Variants in PDE3A observed in about 807,000 individuals in gnomAD.
PDE3A encodes cGMP-inhibited 3',5'-cyclic phosphodiesterase 3A.
Under a neutral mutation model 98.3 loss-of-function variants are expected in PDE3A, and 43 were observed. That is an observed-to-expected ratio of 0.44 (90% CI 0.34 to 0.56). The LOEUF is 0.56. Ranked by LOEUF, PDE3A falls within the 20% of genes least tolerant of loss-of-function variation. PDE3A has a pLI of 0.01. For synonymous variants in PDE3A, 663 were observed against 567.9 expected (o/e 1.17, Z -2.38); for missense variants, 1,427 against 1,440.7 (o/e 0.99, Z 0.15).
At chr12:20,528,363 A>C (rs1946564976) in intron 1 of PDE3A, among the ~76,000 whole-genome samples, 1 of 152,158 alleles carries the variant, frequency 6.6e-6, no homozygotes, top group African/African-American at 2.4e-5. Flanking sequence ...ATATATTGTG[A>C]AATATTCTGA....
chr12:20,496,307 C>G (rs1945918171), intron 1 of PDE3A, among the ~76,000 whole-genome samples: 1 of 152,174 alleles, frequency 6.6e-6, no homozygotes, highest in Non-Finnish European at 1.5e-5. Context: ...CCAGAGCCAT[C>G]CTTTGCCATT....
chr12:20,391,413 C>CATAT (rs564383160), intron 1 of PDE3A, among the ~76,000 whole-genome samples: 1 of 143,212 alleles, frequency 7.0e-6, no homozygotes, highest in African/African-American at 2.5e-5. Flanking sequence ...ATGCATTATA[C>CATAT]ATATATATAT....
At chr12:20,638,477 C>T (rs1055946324) in intron 9 of PDE3A, among the ~76,000 whole-genome samples, 2 of 152,078 alleles carry the variant, frequency 1.3e-5, no homozygotes, top group African/African-American at 4.8e-5. Flanking sequence ...GTTGAGAGTC[C>T]TGTTCCTCTT....
intron 1 of PDE3A, among the ~76,000 whole-genome samples, chr12:20,437,696 C>G (rs1175416044): frequency 6.6e-6 from 1 of 152,158 alleles, no homozygotes; most frequent in Non-Finnish European, 1.5e-5. Flanking sequence ...CATGAGAAAC[C>G]TGTCCCCCAT....
chr12:20,440,489 T>C (rs1944852146), intron 1 of PDE3A, among the ~76,000 whole-genome samples: 1 of 152,170 alleles, frequency 6.6e-6, no homozygotes, highest in Admixed American at 6.5e-5. Context: ...AGGCTGTATC[T>C]TTTTCACGTT....
chr12:20,491,025 CA>C (rs1463756607), intron 1 of PDE3A, among the ~76,000 whole-genome samples: 1 of 152,124 alleles, frequency 6.6e-6, no homozygotes, highest in African/African-American at 2.4e-5. Flanking sequence ...TACTTGAGCC[CA>C]GGAGTTTGAG....
intron 2 of PDE3A, among the ~76,000 whole-genome samples, chr12:20,601,354 G>GCAGT (rs1293021253): frequency 6.6e-6 from 1 of 152,088 alleles, no homozygotes; most frequent in Non-Finnish European, 1.5e-5. Flanking sequence ...TGGTCCTGAA[G>GCAGT]CAGTCAGGGA....
At chr12:20,389,914 G>A (rs1943882527) in intron 1 of PDE3A, among the ~76,000 whole-genome samples, 1 of 151,352 alleles carries the variant, frequency 6.6e-6, no homozygotes, top group Non-Finnish European at 1.5e-5. Context: ...ATCAATTTCA[G>A]TACAATATAA....
chr12:20,441,489 T>C (rs187275221), intron 1 of PDE3A, among the ~76,000 whole-genome samples: 86 of 152,328 alleles, frequency 5.6e-4, no homozygotes, highest in African/African-American at 1.9e-3. Context: ...AAGAGCCAGG[T>C]ACTTTGCTAA....
chr12:20,633,558 T>A, intron 6 of PDE3A, 135 bp from the exon 7 acceptor site: 1 of 512,802 alleles, frequency 2.0e-6, no homozygotes, highest in South Asian at 3.4e-5. Flanking sequence ...AAAATGCATA[T>A]TTTCACAAAA....
rs1284615413 is a variant in PDE3A, at chr12:20,648,832, G to A, written c.2710G>A (p.Ala904Thr). 1.2e-6 allele frequency: 2 copies of A among 1,613,770 alleles called. No individual in the cohort carries two copies. Among genetic ancestry groups the A allele is most frequent in the Non-Finnish European group, 1.7e-6 (2 of 1,179,868 alleles). Residue 904 changes from alanine to threonine, a missense_variant, in exon 13 of 16, where the codon GCA (alanine) becomes ACA (threonine). This residue lies in a region of PDE3A where 273 missense variants were observed against 420.3 expected (regional missense o/e 0.65). Coordinates refer to ENST00000359062, the MANE Select transcript of PDE3A (RefSeq NM_000921.5). ...FKHFRFLVIE[A>T]ILATDLKKHF... ...GCATTTCCGTTTCCTTGTCATTGAAGCAATTTTGGCCACTGACCTGAAGAA... is the reference window on the plus strand; with the variant it reads ...GCATTTCCGTTTCCTTGTCATTGAAACAATTTTGGCCACTGACCTGAAGAA...
Position 20,590,860 on chromosome 12 carries a change from G to T in PDE3A, c.1012-22583G>T, listed in dbSNP as rs111280459. On this transcript the variant is annotated intron_variant, in intron 2 of 15. Transcript: ENST00000359062. Reference sequence around the variant, plus strand: ...AGCATGTAGGTTATGGTGGGTCTGTGATGTGTGTTTCATGTTTCTCCAAGA... The same window carrying T: ...AGCATGTAGGTTATGGTGGGTCTGTTATGTGTGTTTCATGTTTCTCCAAGA... Among the ~76,000 whole-genome samples the T allele has an allele frequency of 2.0e-5, 3 of 152,292 alleles. 1 individual carries two copies. Among genetic ancestry groups the T allele is most frequent in the African/African-American group, 7.2e-5 (3 of 41,558 alleles).
intron 1 of PDE3A, among the ~76,000 whole-genome samples, chr12:20,541,503 T>C (rs1941910040): frequency 6.6e-6 from 1 of 152,104 alleles, no homozygotes; most frequent in Admixed American, 6.6e-5. Flanking sequence ...TTCTTGTACT[T>C]GTGGTAGGAA....
intron 2 of PDE3A, among the ~76,000 whole-genome samples, chr12:20,607,304 G>A (rs1350472515): frequency 6.6e-6 from 1 of 151,930 alleles, no homozygotes; most frequent in East Asian, 1.9e-4. Flanking sequence ...AGGCATGGTG[G>A]TGTGAGTCTC....
chr12:20,551,554 T>C (rs878994255), intron 1 of PDE3A: 1 of 1,435,634 alleles, frequency 7.0e-7, no homozygotes, highest in African/African-American at 1.4e-5. Flanking sequence ...GCTAACTAGT[T>C]ACGCGACCCC....
At chr12:20,504,477 T>G (rs1003899600) in intron 1 of PDE3A, among the ~76,000 whole-genome samples, 1 of 152,164 alleles carries the variant, frequency 6.6e-6, no homozygotes, top group African/African-American at 2.4e-5. Context: ...CTGTAAACTT[T>G]AATGGCATTA....
chr12:20,580,557 A>G (rs1187950288), intron 2 of PDE3A, among the ~76,000 whole-genome samples: 1 of 152,230 alleles, frequency 6.6e-6, no homozygotes, highest in Non-Finnish European at 1.5e-5. Flanking sequence ...TCTCAGGTCC[A>G]AAAGCATTTA....
At chr12:20,672,541 G>A (rs1206345827) in intron 15 of PDE3A, among the ~76,000 whole-genome samples, 5 of 151,264 alleles carry the variant, frequency 3.3e-5, no homozygotes, top group African/African-American at 9.7e-5. Flanking sequence ...CAGAAATAAC[G>A]CTGCATATCT....
Position 20,369,767 on chromosome 12 carries a change from C to T in PDE3A, c.483C>T (p.Val161=), listed in dbSNP as rs779811541. ...CCGGGGTGCGCCTGCCTCTGGCTGT[C>T]GCGCTGCTGGCCGCCTGCTGCGGGG... The part of the protein sequence containing the change: ...LRAGVRLPLA[V]ALLAACCGGE... The change falls in exon 1 of 16, where the codon GTC becomes GTT. Residue 161 remains valine (V), a synonymous_variant. Transcript: ENST00000359062. 14 of 1,612,392 alleles carry T rather than the reference C, an allele frequency of 8.7e-6. No homozygotes were observed. The Admixed American group carries it at 1.0e-4, about 12-fold the overall frequency.
Sources: allele counts gnomAD v4.1 joint callset (sites outside exome capture counted in the v4.1 genomes callset), GRCh38; gene constraint gnomAD v4.1.1; regional missense constraint gnomAD v4.1.1; transcripts MANE v1.5; gene names NCBI Gene and HGNC (gene_info 2026-07-23, HGNC 2026-07-21).